CREB5: variants seen among roughly 807,000 people sequenced by gnomAD.
The protein encoded by CREB5 is cAMP responsive element binding protein 5.
CREB5 carries 19 observed loss-of-function variants against 57.1 expected under a neutral mutation model. The observed-to-expected ratio is 0.33, with a 90% CI of 0.23 to 0.49. The LOEUF (loss-of-function observed/expected upper bound fraction) is 0.49, where lower values mean the gene tolerates loss of function less well. CREB5 is among the 20% of genes least tolerant of loss of function. The pLI is 0.99. For synonymous variants in CREB5, 238 were observed against 238.3 expected, an observed-to-expected ratio of 1.00 and a Z score of 0.01; for missense variants, 579 against 671.6, an observed-to-expected ratio of 0.86 and a Z score of 1.52.
At chr7:28,657,209 G>A (rs867885379) in intron 5 of CREB5, among the ~76,000 whole-genome samples, 16 of 152,176 alleles carry the variant, frequency 1.1e-4, no homozygotes, top group African/African-American at 3.6e-4. Flanking sequence ...TTCATGCCAT[G>A]TGTTGGAGAA....
At chr7:28,559,440 G>A (rs1436507921) in intron 4 of CREB5, among the ~76,000 whole-genome samples, 1 of 152,118 alleles carries the variant, frequency 6.6e-6, no homozygotes, top group Non-Finnish European at 1.5e-5. Flanking sequence ...TCAGCCTCCT[G>A]AGTAGCGGGG....
At chr7:28,362,057 G>T (rs1253873730) in intron 1 of CREB5, among the ~76,000 whole-genome samples, 1 of 152,066 alleles carries the variant, frequency 6.6e-6, no homozygotes, top group Non-Finnish European at 1.5e-5. Flanking sequence ...ATAGAATTGG[G>T]CAACAATATG....
At chr7:28,337,431 C>T (rs954694873) in intron 1 of CREB5, among the ~76,000 whole-genome samples, 5 of 152,006 alleles carry the variant, frequency 3.3e-5, no homozygotes, top group African/African-American at 1.2e-4. Context: ...GAATTGACTC[C>T]TTTATCATTA....
intron 5 of CREB5, among the ~76,000 whole-genome samples, chr7:28,701,832 A>G (rs575784960): frequency 3.9e-5 from 6 of 152,228 alleles, no homozygotes; most frequent in Non-Finnish European, 8.8e-5. Context: ...GGACGTTGTA[A>G]AACAAAATAT....
chr7:28,741,957 T>G (rs1205990403), intron 7 of CREB5, among the ~76,000 whole-genome samples: 1 of 151,356 alleles, frequency 6.6e-6, no homozygotes, highest in Non-Finnish European at 1.5e-5. Flanking sequence ...TCCCAGCTAC[T>G]TGGGAGGCGG....
chr7:28,696,034 C>T (rs1267750423), intron 5 of CREB5, among the ~76,000 whole-genome samples: 1 of 152,206 alleles, frequency 6.6e-6, no homozygotes, highest in Non-Finnish European at 1.5e-5. Context: ...GCACAAAGGA[C>T]GCTGGCCTTC....
At chr7:28,510,204 C>T (rs1583556815) in intron 4 of CREB5, among the ~76,000 whole-genome samples, 1 of 152,228 alleles carries the variant, frequency 6.6e-6, no homozygotes, top group East Asian at 1.9e-4. Flanking sequence ...GGCATCCTGC[C>T]ACCCCAGCTC....
chr7:28,405,996 T>A (rs1423220063), intron 1 of CREB5, among the ~76,000 whole-genome samples: 1 of 152,094 alleles, frequency 6.6e-6, no homozygotes, highest in Admixed American at 6.5e-5. Flanking sequence ...GTTGCCTGGG[T>A]GTTTTTTGCT....
intron 5 of CREB5, among the ~76,000 whole-genome samples, chr7:28,642,614 T>C (rs1798701507): frequency 6.6e-6 from 1 of 152,208 alleles, no homozygotes; most frequent in South Asian, 2.1e-4. Context: ...GGAATAAACA[T>C]GCTGCTCGGC....
At chr7:28,387,419 GTTGT>G (rs745980903) in intron 1 of CREB5, among the ~76,000 whole-genome samples, 17 of 152,002 alleles carry the variant, frequency 1.1e-4, no homozygotes, top group African/African-American at 2.9e-4. Context: ...TTTTAATGGG[GTTGT>G]TTGTTTTTTT....
At chr7:28,462,432 TACACCCAG>T (rs1404988880) in intron 1 of CREB5, among the ~76,000 whole-genome samples, 2 of 152,182 alleles carry the variant, frequency 1.3e-5, no homozygotes, top group African/African-American at 4.8e-5. Context: ...CTTTTGGGTA[TACACCCAG>T]GAGTGGAATG....
chr7:28,459,052 C>A (rs177580), intron 1 of CREB5, among the ~76,000 whole-genome samples: 4 of 151,912 alleles, frequency 2.6e-5, no homozygotes, highest in African/African-American at 2.4e-5. Context: ...CCTGCCAAGA[C>A]GAACTGTAGC....
At chr7:28,765,687 T>C (rs1328561043) in intron 7 of CREB5, among the ~76,000 whole-genome samples, 1 of 152,232 alleles carries the variant, frequency 6.6e-6, no homozygotes, top group African/African-American at 2.4e-5. Flanking sequence ...AAGAAATCTC[T>C]TCTTTGCCTG....
rs1446054152 is a variant in CREB5, at chr7:28,535,193, T to G, written c.291+27456T>G. 2.1e-5 allele frequency among the ~76,000 whole-genome samples: 3 copies of G among 141,622 alleles called. No homozygotes were observed. In the East Asian group the frequency reaches 5.9e-4, roughly 28 times the overall value. The allele number at this position is 141,622 out of a possible 152,430, so 92.9% of individuals were successfully genotyped here. On this transcript the variant is annotated intron_variant, in intron 4 of 10. Transcript: ENST00000357727. The stretch of plus-strand genomic sequence containing the variant: ...GAAGGCTAGGTCGGGCCCAATTTGG[T>G]AACAGACTCAAGTCTTTTTGCAGGA...
At chr7:28,709,542 G>C (rs754007341) in intron 5 of CREB5, among the ~76,000 whole-genome samples, 11 of 152,088 alleles carry the variant, frequency 7.2e-5, no homozygotes, top group Non-Finnish European at 1.2e-4. Flanking sequence ...TAAAACGCTT[G>C]AAAGCCCTAG....
Position 28,386,881 on chromosome 7 carries a change from C to T in CREB5, c.-25+87440C>T, listed in dbSNP as rs560922929. ...CTGAGGACAATGGCCTCCAGCTCCA[C>T]CCATGTCCCTGCAAAGGAGATGATC... On this transcript the variant is annotated intron_variant, in intron 1 of 9. Transcript: ENST00000396299. 6.6e-5 allele frequency among the ~76,000 whole-genome samples: 10 copies of T among 152,270 alleles called. No individual in the cohort carries two copies. The East Asian group carries it at 1.7e-3, about 26-fold the overall frequency.
chr7:28,767,918 T>C (rs1402794960), intron 7 of CREB5, among the ~76,000 whole-genome samples: 4 of 152,174 alleles, frequency 2.6e-5, no homozygotes, highest in Non-Finnish European at 5.9e-5. Context: ...CTTACAAATA[T>C]GATAAAGTTT....
chr7:28,643,627 G>A (rs1053755600), intron 5 of CREB5, among the ~76,000 whole-genome samples: 1 of 152,166 alleles, frequency 6.6e-6, no homozygotes, highest in African/African-American at 2.4e-5. Flanking sequence ...GTTGTTATGA[G>A]ATTAAATGAG....
intron 5 of CREB5, among the ~76,000 whole-genome samples, chr7:28,599,754 G>GTTTTGTTTGT (rs3041154): frequency 2.0e-5 from 3 of 148,910 alleles, no homozygotes; most frequent in African/African-American, 7.5e-5. Context: ...GTTTTGTTTT[G>GTTTTGTTTGT]TTTTTTTATT....
Sources: gnomAD v4.1 joint callset for allele counts (sites outside exome capture counted in the v4.1 genomes callset) on GRCh38, gnomAD v4.1.1 for gene constraint, MANE v1.5 for transcripts, NCBI Gene and HGNC (gene_info 2026-07-23, HGNC 2026-07-21) for gene names.